CAMKMT: variants seen among roughly 807,000 people sequenced by gnomAD.
The protein encoded by CAMKMT is CaM KMT.
Under a neutral mutation model 48.0 loss-of-function variants are expected in CAMKMT, and 53 were observed. The ratio of observed to expected loss-of-function variants is 1.10; its 90% CI spans 0.89 to 1.39. The LOEUF (loss-of-function observed/expected upper bound fraction) is 1.39. Among genes scored for constraint, CAMKMT ranks in the 40% most tolerant of loss-of-function variants. The pLI is 0.00. For missense variants in CAMKMT, 428 were observed against 402.7 expected, an observed-to-expected ratio of 1.06 and a Z score of -0.54; for synonymous variants, 165 against 152.3, an observed-to-expected ratio of 1.08 and a Z score of -0.61.
chr2:44,766,649 T>C, intron 10 of CAMKMT, 88 bp downstream of exon 10: 1 of 1,400,186 alleles, frequency 7.1e-7, no homozygotes, highest in Admixed American at 1.9e-5. Flanking sequence ...ACCTAAATAT[T>C]TGATTAAAGT....
At chr2:44,766,885 T>G (rs934192396) in intron 10 of CAMKMT, among the ~76,000 whole-genome samples, 1 of 152,228 alleles carries the variant, frequency 6.6e-6, no homozygotes, top group African/African-American at 2.4e-5. Context: ...ATGAAAAACC[T>G]TCAGCTTTTA....
At chr2:44,386,109 T>A (rs1234875228) in intron 2 of CAMKMT, among the ~76,000 whole-genome samples, 4 of 151,906 alleles carry the variant, frequency 2.6e-5, no homozygotes, top group African/African-American at 4.8e-5. Context: ...GGTCCTGGAC[T>A]TTTTTTTGTT....
At chr2:44,728,839 C>CTTTT (rs70937931) in intron 7 of CAMKMT, among the ~76,000 whole-genome samples, 10 of 58,294 alleles carry the variant, frequency 1.7e-4, no homozygotes, top group Non-Finnish European at 2.1e-4. Flanking sequence ...GGGGTCTATC[C>CTTTT]TTTTTTTTTT....
intron 3 of CAMKMT, among the ~76,000 whole-genome samples, chr2:44,584,554 C>T (rs1316852728): frequency 3.3e-5 from 5 of 152,156 alleles, no homozygotes; most frequent in Non-Finnish European, 7.3e-5. Context: ...TAAAATTAAT[C>T]TGATTCTGTG....
chr2:44,562,757 C>T (rs1478306962), intron 3 of CAMKMT, among the ~76,000 whole-genome samples: 1 of 152,174 alleles, frequency 6.6e-6, no homozygotes, highest in Non-Finnish European at 1.5e-5. Flanking sequence ...GACGGGGTTT[C>T]AACATGTTGG....
chr2:44,519,991 C>T (rs1305336917), intron 3 of CAMKMT, among the ~76,000 whole-genome samples: 1 of 151,038 alleles, frequency 6.6e-6, no homozygotes, highest in Non-Finnish European at 1.5e-5. Flanking sequence ...GCGGGCGGAT[C>T]ACGAGGTCAG....
intron 3 of CAMKMT, among the ~76,000 whole-genome samples, chr2:44,603,844 T>G (rs1392759844): frequency 6.6e-6 from 1 of 152,224 alleles, no homozygotes; most frequent in African/African-American, 2.4e-5. Context: ...ATTGAGTATC[T>G]CTTGGCTAGG....
chr2:44,607,007 T>C (rs1671324802), intron 3 of CAMKMT, among the ~76,000 whole-genome samples: 1 of 152,204 alleles, frequency 6.6e-6, no homozygotes, highest in African/African-American at 2.4e-5. Flanking sequence ...TAATCAACAT[T>C]GTGATTTGTC....
chr2:44,673,566 C>T (rs535757891), intron 3 of CAMKMT, among the ~76,000 whole-genome samples: 4 of 151,464 alleles, frequency 2.6e-5, no homozygotes, highest in South Asian at 2.1e-4. Flanking sequence ...AAACATCATC[C>T]CTGATGAGTG....
At chr2:44,769,447 C>T (rs1028121321) in intron 10 of CAMKMT, among the ~76,000 whole-genome samples, 3 of 152,176 alleles carry the variant, frequency 2.0e-5, no homozygotes, top group Non-Finnish European at 4.4e-5. Flanking sequence ...TCCCTCTCCT[C>T]CCCAGCCTTT....
chr2:44,416,899 C>T (rs913323125), intron 3 of CAMKMT, among the ~76,000 whole-genome samples: 1 of 151,722 alleles, frequency 6.6e-6, no homozygotes, highest in Non-Finnish European at 1.5e-5. Context: ...GAGATTCATC[C>T]ATATTGTGGT....
At chr2:44,588,799 A>G (rs1286823702) in intron 3 of CAMKMT, among the ~76,000 whole-genome samples, 2 of 32,850 alleles carry the variant, frequency 6.1e-5, no homozygotes, top group Non-Finnish European at 6.0e-5. Context: ...CTGCCCGGCC[A>G]GCCGCCCCGT....
intron 8 of CAMKMT, among the ~76,000 whole-genome samples, chr2:44,744,895 A>G (rs563599468): frequency 6.6e-6 from 1 of 152,108 alleles, no homozygotes; most frequent in Non-Finnish European, 1.5e-5. Flanking sequence ...ACCCAATTTC[A>G]GAAAATCTTG....
chr2:44,705,329 C>A, intron 4 of CAMKMT: 1 of 985,228 alleles, frequency 1.0e-6, no homozygotes, highest in Non-Finnish European at 1.2e-6. Flanking sequence ...TAATAAACTT[C>A]CCAAACTGGG....
intron 7 of CAMKMT, among the ~76,000 whole-genome samples, chr2:44,722,944 A>G (rs565041955): frequency 1.1e-4 from 16 of 152,286 alleles, no homozygotes; most frequent in African/African-American, 3.6e-4. Context: ...CCCCAGCATG[A>G]GGGGGGTCTG....
At chr2:44,708,211 ATTTTTTTTTT>A (rs59281575) in intron 6 of CAMKMT, among the ~76,000 whole-genome samples, 10 of 68,194 alleles carry the variant, frequency 1.5e-4, no homozygotes, top group Admixed American at 2.4e-4. Flanking sequence ...TTTGCTTTGG[ATTTTTTTTTT>A]TTTTTTTTTT....
intron 3 of CAMKMT, among the ~76,000 whole-genome samples, chr2:44,610,096 T>TATTGAA: frequency 6.6e-6 from 1 of 152,144 alleles, no homozygotes; most frequent in Non-Finnish European, 1.5e-5. Flanking sequence ...TTATATACCT[T>TATTGAA]GATTATTAGT....
chr2:44,584,928 G>A (rs572633688), intron 3 of CAMKMT, among the ~76,000 whole-genome samples: 176 of 151,968 alleles, frequency 1.2e-3, no homozygotes, highest in African/African-American at 3.5e-3. Flanking sequence ...GGTGGTGGGC[G>A]CCTGTAGTCC....
chr2:44,665,580 G>C (rs1674921768), intron 3 of CAMKMT, among the ~76,000 whole-genome samples: 1 of 152,172 alleles, frequency 6.6e-6, no homozygotes, highest in African/African-American at 2.4e-5. Flanking sequence ...CTGGATGGTT[G>C]ATCAGATTTT....
Sources: gnomAD v4.1 joint callset for allele counts (sites outside exome capture counted in the v4.1 genomes callset) on GRCh38, gnomAD v4.1.1 for gene constraint, MANE v1.5 for transcripts, NCBI Gene and HGNC (gene_info 2026-07-23, HGNC 2026-07-21) for gene names.